Variants in BRWD1 observed in about 807,000 individuals in gnomAD.
BRWD1 encodes the protein bromodomain and WD repeat domain containing 1.
A neutral mutation model predicts 251.2 loss-of-function variants in BRWD1; 82 were observed. The ratio of observed to expected loss-of-function variants is 0.33; its 90% CI spans 0.27 to 0.39. The LOEUF is 0.39. BRWD1 is among the 10% of genes least tolerant of loss of function. BRWD1 has a pLI of 1.00. For missense variants in BRWD1, 2,233 were observed against 2,711.6 expected (o/e 0.82, Z 3.92); for synonymous variants, 918 against 902.8 (o/e 1.02, Z -0.30).
chr21:39,317,820 G>A (rs1408352170), upstream of BRWD1, among the ~76,000 whole-genome samples: 2 of 152,222 alleles, frequency 1.3e-5, no homozygotes, highest in Admixed American at 1.3e-4. Context: ...GAAGACCAAG[G>A]CAGGAGGACC....
At chr21:39,184,202 T>A (rs1209213401), downstream of BRWD1, 2 of 152,216 alleles carry the variant, frequency 1.3e-5, no homozygotes, top group Non-Finnish European at 2.9e-5. Flanking sequence ...AGACCTTTAC[T>A]CTGGCAATAG....
intron 1 of BRWD1, among the ~76,000 whole-genome samples, chr21:39,319,361 C>T (rs1307674029): frequency 6.6e-6 from 1 of 152,174 alleles, no homozygotes; most frequent in Non-Finnish European, 1.5e-5. Flanking sequence ...AGCTTGCAGG[C>T]GCTGGCCCAT....
chr21:39,198,677 CTT>C lies in BRWD1; in HGVS notation c.5653+84_5653+85del, dbSNP rs138172161. 934 of 1,268,044 alleles carry C rather than the reference CTT, an allele frequency of 7.4e-4. 6 individuals carry two copies. In the African/African-American group the frequency reaches 0.013, roughly 17 times the overall value. 78.5% of individuals were successfully genotyped at this position (1,268,044 alleles called of 1,614,324 possible). On this transcript the variant is annotated intron_variant, in intron 40 of 40. Coordinates refer to ENST00000342449, the MANE Select transcript of BRWD1 (RefSeq NM_033656.4). Reference sequence around the variant, plus strand: ...AAAGAGAAAAAAGTTTCAAGGGAAACTTTTTCGGGGGGAAAAAACCAATGTGT... The same window carrying C: ...AAAGAGAAAAAAGTTTCAAGGGAAACTTTCGGGGGGAAAAAACCAATGTGT...
Position 39,199,539 on chromosome 21 carries a change from C to T in BRWD1, c.4877G>A (p.Arg1626Gln), listed in dbSNP as rs2032000740. 4.3e-6 allele frequency: 7 copies of T among 1,614,148 alleles called. No homozygotes were observed. Among genetic ancestry groups the T allele is most frequent in the Middle Eastern group, 1.7e-4 (1 of 6,060 alleles). Reference protein sequence around the residue: ...EILKARAGNNRKVLRKCAAVA... With the variant: ...EILKARAGNNQKVLRKCAAVA... ...AGCAGCACACTTCCTTAAGACTTTT[C>T]GGTTATTTCCAGCTCTGGCTTTTAG... The change falls in exon 40 of 41, where the codon CGA (arginine) becomes CAA (glutamine). Residue 1626 changes from arginine to glutamine, a missense_variant. Transcript: ENST00000342449.
At position 39,277,267 on chromosome 21, in the gene BRWD1, T is replaced by G. The variant is rs766807029; in HGVS notation, c.1088A>C (p.Glu363Ala). Residue 363 changes from glutamate to alanine, a missense_variant, in exon 11 of 41, where the codon GAA (glutamate) becomes GCA (alanine). Glu to Ala is a moderately radical substitution (Grantham distance 107). This residue lies in a region of BRWD1 where 315 missense variants were observed against 421.8 expected (regional missense o/e 0.75). Coordinates refer to ENST00000342449, the MANE Select transcript of BRWD1 (RefSeq NM_033656.4). ...LGFEAPEKIA[E>A]LESHTDKVDS... ...GATGCTTACAGTGTGGCTTTCAAGT[T>G]CTGCGATTTTTTCGGGTGCTTCAAA... is the stretch of plus-strand genomic sequence containing the variant. The G allele has an allele frequency of 6.2e-7, 1 of 1,609,950 alleles. No individual in the cohort carries two copies. Among genetic ancestry groups the G allele is most frequent in the Non-Finnish European group, 8.5e-7 (1 of 1,177,092 alleles).
intron 36 of BRWD1, among the ~76,000 whole-genome samples, chr21:39,206,959 G>A (rs1601267249): frequency 6.6e-6 from 1 of 152,094 alleles, no homozygotes. Context: ...TATAATTCTT[G>A]TGCATGGCAG....
Position 39,188,220 on chromosome 21 carries a change from A to G in BRWD1, c.*8039T>C. On this transcript the variant is annotated 3_prime_UTR_variant, in exon 41 of 41. Coordinates refer to ENST00000342449, the MANE Select transcript of BRWD1 (RefSeq NM_033656.4). ...CGTATCTGAAGTTCACGGGCCCTTG[A>G]ATTTTAGGTCTTTCTTGCAGCCATG... 1 of 985,392 alleles carries G rather than the reference A, an allele frequency of 1.0e-6. No homozygotes were observed. Among genetic ancestry groups the G allele is most frequent in the Non-Finnish European group, 1.2e-6 (1 of 829,906 alleles). The allele number at this position is 985,392 out of a possible 1,614,324, so 61.0% of individuals were successfully genotyped here.
chr21:39,212,792 CA>C, intron 33 of BRWD1, 85 bp from the exon 34 acceptor site: 1 of 957,996 alleles, frequency 1.0e-6, no homozygotes, highest in Non-Finnish European at 1.6e-6. Flanking sequence ...ATATCAAAGA[CA>C]TTTGGTATTA....
At chr21:39,263,393 C>A (rs775296552) in intron 17 of BRWD1, among the ~76,000 whole-genome samples, 1 of 151,972 alleles carries the variant, frequency 6.6e-6, no homozygotes, top group African/African-American at 2.4e-5. Flanking sequence ...ACAAGACAAA[C>A]CTGGAACATC....
At position 39,197,417 on chromosome 21, in the gene BRWD1, T is replaced by G; in HGVS notation, c.5654-2A>C. ...GTCCATTGTCTTGTGATGCAGAATC[T>G]AAAAGTTAAAGAGCAGATTTCTATT... On this transcript the variant is annotated splice_acceptor_variant, in intron 40 of 40. Transcript: ENST00000342449. LOFTEE classifies it high-confidence loss of function. 1 of 1,551,366 alleles carries G rather than the reference T, an allele frequency of 6.4e-7. No individual in the cohort carries two copies. The highest frequency in any genetic ancestry group is 8.7e-7 in the Non-Finnish European group (1 of 1,150,938).
At chr21:39,311,367 G>T (rs1229411792) in intron 4 of BRWD1, among the ~76,000 whole-genome samples, 1 of 151,798 alleles carries the variant, frequency 6.6e-6, no homozygotes, top group South Asian at 2.1e-4. Context: ...GGAGACAAGA[G>T]TTGGTCTGAA....
At chr21:39,242,144 G>T (rs941574778) in intron 21 of BRWD1, among the ~76,000 whole-genome samples, 6 of 152,200 alleles carry the variant, frequency 3.9e-5, no homozygotes, top group African/African-American at 1.4e-4. Context: ...AGCCAACACA[G>T]GCTAAAAGCT....
Position 39,196,440 on chromosome 21 carries a change from C to A in BRWD1, c.6629G>T (p.Arg2210Leu). The change falls in exon 41 of 41, where the codon CGC (arginine) becomes CTC (leucine). Residue 2210 changes from arginine (R) to leucine (L), a missense_variant. Arg to Leu is a moderately radical substitution (Grantham distance 102, BLOSUM62 -2). Coordinates refer to ENST00000342449, the MANE Select transcript of BRWD1 (RefSeq NM_033656.4). ...ATTATCATCCACACTTAACCTAGGGCGTTTGCTTTGTCTTTGACGTCTCAC... is the reference window on the plus strand; with the variant it reads ...ATTATCATCCACACTTAACCTAGGGAGTTTGCTTTGTCTTTGACGTCTCAC... ...KTVRRQRQSK[R>L]PRLSVDDNDW... 6.2e-7 allele frequency: 1 copy of A among 1,613,520 alleles called. No individual in the cohort carries two copies.
intron 31 of BRWD1, chr21:39,217,041 ATATATATATT>A (rs2032949522): frequency 1.8e-3 from 31 of 17,568 alleles, no homozygotes; most frequent in Non-Finnish European, 2.2e-3. Context: ...ATATAAATAT[ATATATATATT>A]TATATATATA....
chr21:39,194,717 G>A lies in BRWD1; in HGVS notation c.*1542C>T. ...ACCAGTCTGATGCTTCGCCTTGTCT[G>A]CCACTTCAAAGATACACAGGAGAAA... On this transcript the variant is annotated 3_prime_UTR_variant, in exon 41 of 41. Coordinates refer to ENST00000342449, the MANE Select transcript of BRWD1 (RefSeq NM_033656.4). The A allele has an allele frequency of 6.5e-7, 1 of 1,535,182 alleles. No individual in the cohort carries two copies. The highest frequency in any genetic ancestry group is 2.4e-5 in the East Asian group (1 of 40,878).
rs116687941 is a variant in BRWD1, at chr21:39,306,046, A to C, written c.198+6795T>G. Among the ~76,000 whole-genome samples the C allele has an allele frequency of 4.6e-3, 700 of 151,282 alleles. 10 individuals are homozygous for C. The highest frequency in any genetic ancestry group is 0.016 in the African/African-American group (679 of 41,156). On this transcript the variant is annotated intron_variant, in intron 4 of 40. Coordinates refer to ENST00000342449, the MANE Select transcript of BRWD1 (RefSeq NM_033656.4). The stretch of plus-strand genomic sequence containing the variant: ...AGAGACCCAAACTCAAAAAACAAAG[A>C]ATTGAGACTAGTTATCTTTAAGTAT...
rs1413145286 is a variant in BRWD1, at chr21:39,280,147, C to G, written c.932+1G>C. On this transcript the variant is annotated splice_donor_variant, in intron 9 of 40. Coordinates refer to ENST00000342449, the MANE Select transcript of BRWD1 (RefSeq NM_033656.4). LOFTEE classifies it high-confidence loss of function. ...CCTGTTACATAATTAAAGCCACTTACCTAAATTTTAAGGATTCTAAATCCC... is the reference window on the plus strand; with the variant it reads ...CCTGTTACATAATTAAAGCCACTTAGCTAAATTTTAAGGATTCTAAATCCC... 6.3e-7 allele frequency: 1 copy of G among 1,585,620 alleles called. No homozygotes were observed. Among genetic ancestry groups the G allele is most frequent in the South Asian group, 1.2e-5 (1 of 85,574 alleles).
At position 39,189,035 on chromosome 21, in the gene BRWD1, T is replaced by C; in HGVS notation, c.*7224A>G. On this transcript the variant is annotated 3_prime_UTR_variant, in exon 41 of 41. Transcript: ENST00000342449. ...ACTTCAAAGACACTTCTCTTGGGAA[T>C]TTTAAAATTATGAACTAGTATCTCC... 1.0e-6 allele frequency: 1 copy of C among 985,350 alleles called. No individual in the cohort carries two copies. Among genetic ancestry groups the C allele is most frequent in the African/African-American group, 1.7e-5 (1 of 57,342 alleles). The allele number at this position is 985,350 out of a possible 1,614,324, so 61.0% of individuals were successfully genotyped here. A position where few individuals can be genotyped will look rare whatever the true frequency, so the allele number is the denominator to read the frequency against.
intron 8 of BRWD1, 75 bp downstream of exon 8, chr21:39,293,736 C>T: frequency 1.7e-6 from 2 of 1,156,744 alleles, no homozygotes; most frequent in East Asian, 2.5e-5. Context: ...TACTATTTCT[C>T]AATTCCAAAG....
Sources: gnomAD v4.1 joint callset for allele counts (sites outside exome capture counted in the v4.1 genomes callset) on GRCh38, gnomAD v4.1.1 for gene constraint, gnomAD v4.1.1 regional missense constraint, MANE v1.5 for transcripts, NCBI Gene and HGNC (gene_info 2026-07-23, HGNC 2026-07-21) for gene names.